NDUFAF6: variants seen among roughly 807,000 people sequenced by gnomAD.
NDUFAF6 encodes the protein NADH:ubiquinone oxidoreductase complex assembly factor 6, also known as NADH dehydrogenase (ubiquinone) complex I, assembly factor 6.
Under a neutral mutation model 40.8 loss-of-function variants are expected in NDUFAF6, and 45 were observed. That is an observed-to-expected ratio of 1.10 (90% CI 0.87 to 1.42). NDUFAF6 has a LOEUF of 1.42. Among genes scored for constraint, NDUFAF6 ranks in the 40% most tolerant of loss-of-function variants. The pLI, the probability that NDUFAF6 is intolerant of heterozygous loss-of-function variation, is 0.00. For missense variants in NDUFAF6, 435 were observed against 418.5 expected, an observed-to-expected ratio of 1.04 and a Z score of -0.34; for synonymous variants, 185 against 155.9, an observed-to-expected ratio of 1.19 and a Z score of -1.39.
At chr8:94,975,528 C>A (rs568911112) in intron 1 of NDUFAF6, 1 of 152,394 alleles carries the variant, frequency 6.6e-6, no homozygotes, top group African/African-American at 2.4e-5. Flanking sequence ...CTGCTGGCCT[C>A]CTGGAAGCTT....
At chr8:94,932,359 T>A (rs1031074241) in intron 1 of NDUFAF6, among the ~76,000 whole-genome samples, 22 of 152,228 alleles carry the variant, frequency 1.4e-4, no homozygotes, top group African/African-American at 5.3e-4. Flanking sequence ...TTTATGGTAA[T>A]ATCCCCAATG....
At chr8:95,003,729 G>A (rs1826837277) in intron 2 of NDUFAF6, among the ~76,000 whole-genome samples, 1 of 151,992 alleles carries the variant, frequency 6.6e-6, no homozygotes, top group African/African-American at 2.4e-5. Context: ...TTTTCCCTGG[G>A]CTTCCTCAAT....
chr8:95,010,375 C>G (rs1253183810), intron 2 of NDUFAF6, among the ~76,000 whole-genome samples: 1 of 152,192 alleles, frequency 6.6e-6, no homozygotes, highest in East Asian at 1.9e-4. Flanking sequence ...GTGTGAGCCA[C>G]TGCACCTGGC....
chr8:94,900,413 C>T (rs1251234887), intron 1 of NDUFAF6, among the ~76,000 whole-genome samples: 5 of 152,100 alleles, frequency 3.3e-5, no homozygotes, highest in African/African-American at 1.2e-4. Context: ...ACCAGGGAGT[C>T]TAGGTAGATG....
chr8:95,106,956 A>G (rs920788289), downstream of NDUFAF6, among the ~76,000 whole-genome samples: 1 of 152,268 alleles, frequency 6.6e-6, no homozygotes, highest in Non-Finnish European at 1.5e-5. Flanking sequence ...ACCAGTTAGA[A>G]TGGCGATCAT....
At chr8:94,917,398 C>T (rs779918682) in intron 1 of NDUFAF6, among the ~76,000 whole-genome samples, 5 of 152,152 alleles carry the variant, frequency 3.3e-5, no homozygotes, top group Non-Finnish European at 5.9e-5. Flanking sequence ...AACTAGAATC[C>T]ACATTTCTCA....
At chr8:94,945,895 A>G (rs1205387897) in intron 2 of NDUFAF6, among the ~76,000 whole-genome samples, 1 of 152,154 alleles carries the variant, frequency 6.6e-6, no homozygotes, top group East Asian at 1.9e-4. Flanking sequence ...AAAAGAAACA[A>G]AGTGTCTGGG....
At chr8:95,057,686 TA>T in intron 8 of NDUFAF6, 122 bp from the exon 9 acceptor site, 1 of 762,446 alleles carries the variant, frequency 1.3e-6, no homozygotes, top group Middle Eastern at 3.9e-4. Flanking sequence ...CTCACTTAAA[TA>T]GAAAACCATC....
intron 1 of NDUFAF6, among the ~76,000 whole-genome samples, chr8:94,915,154 T>G (rs1248134950): frequency 1.3e-5 from 2 of 152,102 alleles, no homozygotes; most frequent in East Asian, 3.9e-4. Flanking sequence ...TCTCCCTGTG[T>G]TGCCCAGGCT....
upstream of NDUFAF6, among the ~76,000 whole-genome samples, chr8:94,957,303 G>A (rs1823167246): frequency 6.6e-6 from 1 of 152,222 alleles, no homozygotes; most frequent in South Asian, 2.1e-4. Flanking sequence ...GGAGGTGGGA[G>A]TGGTGATGTA....
intron 3 of NDUFAF6, among the ~76,000 whole-genome samples, chr8:95,035,866 ACACATTTTGATATAAT>A (rs1387657928): frequency 6.6e-6 from 1 of 152,256 alleles, no homozygotes; most frequent in Non-Finnish European, 1.5e-5. Flanking sequence ...TTTAAATCCT[ACACATTTTGATATAAT>A]AGCAAGTAAA....
At chr8:95,117,952 A>T (rs1372850648), downstream of NDUFAF6, among the ~76,000 whole-genome samples, 1 of 152,160 alleles carries the variant, frequency 6.6e-6, no homozygotes, top group African/African-American at 2.4e-5. Flanking sequence ...GCAACAATTT[A>T]CTATTATCTC....
intron 2 of NDUFAF6, among the ~76,000 whole-genome samples, chr8:94,990,035 T>G (rs1375737827): frequency 6.6e-6 from 1 of 152,208 alleles, no homozygotes; most frequent in South Asian, 2.1e-4. Context: ...TGGCCAAAAG[T>G]TTTAATGTAA....
chr8:95,024,891 G>A (rs192367687), upstream of NDUFAF6: 5 of 868,718 alleles, frequency 5.8e-6, no homozygotes, highest in African/African-American at 7.1e-5. Context: ...TTCTTTGAGC[G>A]GCGTCCAGAG....
At chr8:95,027,739 A>G (rs555011387) in intron 1 of NDUFAF6, among the ~76,000 whole-genome samples, 1 of 152,278 alleles carries the variant, frequency 6.6e-6, no homozygotes, top group South Asian at 2.1e-4. Flanking sequence ...ATAAAAATAA[A>G]CTTGAAATAG....
chr8:95,024,789 G>T (rs1256561542), upstream of NDUFAF6, among the ~76,000 whole-genome samples: 1 of 152,220 alleles, frequency 6.6e-6, no homozygotes, highest in Admixed American at 6.5e-5. Flanking sequence ...CCCAGGAGGG[G>T]TCGGACGGAC....
At chr8:95,054,918 A>T (rs1322310986) in intron 8 of NDUFAF6, among the ~76,000 whole-genome samples, 2 of 152,278 alleles carry the variant, frequency 1.3e-5, no homozygotes, top group Non-Finnish European at 2.9e-5. Flanking sequence ...AACTCTTTGA[A>T]TATGACTAAT....
intron 1 of NDUFAF6, among the ~76,000 whole-genome samples, chr8:94,965,440 C>A (rs1317103702): frequency 6.6e-6 from 1 of 152,100 alleles, no homozygotes; most frequent in African/African-American, 2.4e-5. Context: ...ATTCTGAAGG[C>A]CACACAAGTC....
chr8:95,087,148 TACAC>T (rs1294674907), intron 2 of NDUFAF6, among the ~76,000 whole-genome samples: 1 of 152,034 alleles, frequency 6.6e-6, no homozygotes, highest in Non-Finnish European at 1.5e-5. Context: ...ATGTGATGGA[TACAC>T]ACACACAGGC....
Sources: allele counts gnomAD v4.1 joint callset (sites outside exome capture counted in the v4.1 genomes callset), GRCh38; gene constraint gnomAD v4.1.1; transcripts MANE v1.5; gene names NCBI Gene and HGNC (gene_info 2026-07-23, HGNC 2026-07-21).